PTPRD: variants seen among roughly 807,000 people sequenced by gnomAD.
The protein encoded by PTPRD is receptor-type tyrosine-protein phosphatase delta.
PTPRD carries 34 observed loss-of-function variants against 214.5 expected under a neutral mutation model. The ratio of observed to expected loss-of-function variants is 0.16; its 90% CI spans 0.12 to 0.21. PTPRD has a LOEUF of 0.21. Ranked by LOEUF, PTPRD falls within the 10% of genes least tolerant of loss-of-function variation. The probability of loss-of-function intolerance (pLI) is 1.00; values close to 1 mark genes in which losing one functional copy is unlikely to be tolerated. For missense variants in PTPRD, 2,545 were observed against 2,398.7 expected, an observed-to-expected ratio of 1.06 and a Z score of -1.27; for synonymous variants, 1,128 against 845.7, an observed-to-expected ratio of 1.33 and a Z score of -5.79.
chr9:9,804,938 T>C (rs2099063616), intron 5 of PTPRD, among the ~76,000 whole-genome samples: 1 of 152,000 alleles, frequency 6.6e-6, no homozygotes, highest in Admixed American at 6.6e-5. Flanking sequence ...GAAAATGTGA[T>C]CATGCATAAA....
At chr9:9,944,732 G>C (rs1186314878) in intron 4 of PTPRD, among the ~76,000 whole-genome samples, 1 of 151,904 alleles carries the variant, frequency 6.6e-6, no homozygotes, top group Non-Finnish European at 1.5e-5. Context: ...ATGAGGGAAA[G>C]ACATGAGGAG....
intron 10 of PTPRD, among the ~76,000 whole-genome samples, chr9:9,060,632 T>C (rs1021578552): frequency 1.3e-5 from 2 of 152,054 alleles, no homozygotes; most frequent in African/African-American, 4.8e-5. Context: ...TATAGTGATA[T>C]CCTAGGAATA....
intron 14 of PTPRD, among the ~76,000 whole-genome samples, chr9:8,570,712 C>A (rs1267405675): frequency 6.6e-6 from 1 of 152,068 alleles, no homozygotes; most frequent in African/African-American, 2.4e-5. Flanking sequence ...CAATACAGAT[C>A]TGCTCTTAAA....
intron 12 of PTPRD, among the ~76,000 whole-genome samples, chr9:8,721,721 CAT>C (rs1258152390): frequency 6.6e-6 from 1 of 152,168 alleles, no homozygotes; most frequent in African/African-American, 2.4e-5. Context: ...AAAACTGAGA[CAT>C]AAAGTGATAA....
intron 8 of PTPRD, among the ~76,000 whole-genome samples, chr9:9,448,001 T>C (rs1238256393): frequency 1.3e-5 from 2 of 152,014 alleles, no homozygotes; most frequent in African/African-American, 4.8e-5. Context: ...TGGGCTACTA[T>C]TGAACGGTTC....
At chr9:9,999,577 T>C (rs2096258376) in intron 4 of PTPRD, among the ~76,000 whole-genome samples, 1 of 152,212 alleles carries the variant, frequency 6.6e-6, no homozygotes. Flanking sequence ...TAAATGGAAA[T>C]TATTTACTAC....
chr9:10,309,802 A>C (rs1326715141), intron 3 of PTPRD, among the ~76,000 whole-genome samples: 1 of 152,096 alleles, frequency 6.6e-6, no homozygotes, highest in East Asian at 1.9e-4. Flanking sequence ...CAAAAAAATT[A>C]GAACTATTTT....
chr9:8,480,562 G>T (rs2096859930), intron 30 of PTPRD, among the ~76,000 whole-genome samples: 1 of 152,138 alleles, frequency 6.6e-6, no homozygotes, highest in Non-Finnish European at 1.5e-5. Context: ...TAGGGTATGT[G>T]ATCAAGAAAT....
chr9:8,347,772 C>T (rs1412204884), intron 39 of PTPRD, among the ~76,000 whole-genome samples: 1 of 152,110 alleles, frequency 6.6e-6, no homozygotes, highest in Non-Finnish European at 1.5e-5. Context: ...ATCTTTTTCT[C>T]TATGCATACA....
chr9:10,157,783 A>G (rs532691136), intron 3 of PTPRD, among the ~76,000 whole-genome samples: 1 of 152,254 alleles, frequency 6.6e-6, no homozygotes, highest in South Asian at 2.1e-4. Flanking sequence ...AAAATGAATC[A>G]TAGATTTGAC....
At chr9:9,498,164 G>C (rs1334789207) in intron 8 of PTPRD, among the ~76,000 whole-genome samples, 1 of 152,056 alleles carries the variant, frequency 6.6e-6, no homozygotes, top group African/African-American at 2.4e-5. Flanking sequence ...GTTCAACATT[G>C]TTTTAGCGGC....
chr9:8,998,359 C>T (rs2099405018), intron 11 of PTPRD, among the ~76,000 whole-genome samples: 1 of 151,906 alleles, frequency 6.6e-6, no homozygotes, highest in Non-Finnish European at 1.5e-5. Context: ...ATCTCAGGGC[C>T]CTTAAGAATT....
chr9:9,874,432 A>G (rs920682205), intron 5 of PTPRD, among the ~76,000 whole-genome samples: 1 of 151,978 alleles, frequency 6.6e-6, no homozygotes, highest in Admixed American at 6.6e-5. Context: ...AAAGAAAGGA[A>G]CAGTCACAAC....
At chr9:8,534,626 AGT>A (rs1491508569) in intron 14 of PTPRD, among the ~76,000 whole-genome samples, 1 of 151,316 alleles carries the variant, frequency 6.6e-6, no homozygotes, top group African/African-American at 2.4e-5. Context: ...ACATTCCTAG[AGT>A]ATATATATAT....
chr9:9,305,657 C>G (rs1034593358), intron 9 of PTPRD, among the ~76,000 whole-genome samples: 1 of 151,958 alleles, frequency 6.6e-6, no homozygotes, highest in Non-Finnish European at 1.5e-5. Flanking sequence ...ATGTAATAAA[C>G]TTAAAATGAG....
At chr9:8,742,333 G>A (rs1455585929) in intron 11 of PTPRD, among the ~76,000 whole-genome samples, 2 of 152,052 alleles carry the variant, frequency 1.3e-5, no homozygotes, top group African/African-American at 4.8e-5. Flanking sequence ...ATTGACATAT[G>A]CATTACCTCA....
At chr9:9,208,401 T>A (rs994073658) in intron 9 of PTPRD, among the ~76,000 whole-genome samples, 6 of 151,948 alleles carry the variant, frequency 3.9e-5, no homozygotes, top group Admixed American at 1.3e-4. Flanking sequence ...GGTGAGGGTA[T>A]AGGATACAAA....
At chr9:9,940,150 G>T (rs2091011212) in intron 4 of PTPRD, among the ~76,000 whole-genome samples, 1 of 152,178 alleles carries the variant, frequency 6.6e-6, no homozygotes, top group African/African-American at 2.4e-5. Flanking sequence ...GGGATGAGGG[G>T]AGTGAGCAGT....
chr9:8,876,039 C>T (rs952690509), intron 11 of PTPRD, among the ~76,000 whole-genome samples: 1 of 152,132 alleles, frequency 6.6e-6, no homozygotes, highest in East Asian at 1.9e-4. Context: ...TTGGATTTTT[C>T]TCTTACTTAG....
Sources: gnomAD v4.1 joint callset for allele counts (sites outside exome capture counted in the v4.1 genomes callset) on GRCh38, gnomAD v4.1.1 for gene constraint, MANE v1.5 for transcripts, NCBI Gene and HGNC (gene_info 2026-07-23, HGNC 2026-07-21) for gene names.